The following TIMM22 variants were observed in gnomAD, a reference collection of about 807,000 sequenced individuals.
TIMM22 encodes translocase of inner mitochondrial membrane 22.
Under a neutral mutation model 18.3 loss-of-function variants are expected in TIMM22, and 12 were observed. That is an observed-to-expected ratio of 0.65 (90% CI 0.42 to 1.06). The LOEUF (loss-of-function observed/expected upper bound fraction) is 1.06. Ranked by LOEUF, TIMM22 falls within the 50% of genes least tolerant of loss-of-function variation. The pLI is 0.00. For missense variants in TIMM22, 278 were observed against 252.8 expected (o/e 1.10, Z -0.68); for synonymous variants, 107 against 98.5 (o/e 1.09, Z -0.51).
chr17:998,668 G>A (rs2069709257), intron 1 of TIMM22, 111 bp from the exon 2 acceptor site: 2 of 1,101,170 alleles, frequency 1.8e-6, no homozygotes, highest in Non-Finnish European at 2.5e-6. Flanking sequence ...CAAGAGGGGG[G>A]TGTCCTCTGC....
At chr17:999,323 C>CTATATATATATATATATATATATATATA (rs57081954) in intron 2 of TIMM22, among the ~76,000 whole-genome samples, 189 bp from the exon 3 acceptor site, 25 of 120,552 alleles carry the variant, frequency 2.1e-4, no homozygotes, top group Admixed American at 3.2e-4. Context: ...TGAACGCATA[C>CTATATATATATATATATATATATATATA]TATATATATA....
chr17:1,000,598 T>C (rs565139142), intron 3 of TIMM22, among the ~76,000 whole-genome samples: 1 of 152,284 alleles, frequency 6.6e-6, no homozygotes, highest in East Asian at 1.9e-4. Context: ...TCTCCGCCGG[T>C]CGTCCCATTG....
intron 1 of TIMM22, among the ~76,000 whole-genome samples, chr17:997,803 C>G (rs2069699207): frequency 6.6e-6 from 1 of 151,688 alleles, no homozygotes; most frequent in Non-Finnish European, 1.5e-5. Flanking sequence ...CAGAGCGAGA[C>G]TCCGTCTCAA....
rs2069798888 is a variant in TIMM22 at position 1,003,313 on chromosome 17, G to A, written c.*2225G>A. 1 of 152,288 alleles carries A rather than the reference G, an allele frequency of 6.6e-6. No individual in the cohort carries two copies. 9.4% of individuals were successfully genotyped at this position (152,288 alleles called of 1,614,324 possible). A position where few individuals can be genotyped will look rare whatever the true frequency, so the allele number is the denominator to read the frequency against. ...CAGCCTGGATGCTGGCTGATCCGGA[G>A]GCCTTTGTGAAGAGCAAGGAGAGGG... On this transcript the variant is annotated 3_prime_UTR_variant, in exon 4 of 4. Transcript: ENST00000327158.
chr17:1,000,925 G>T (rs2069737636), intron 3 of TIMM22, 87 bp from the exon 4 acceptor site: 1 of 1,320,724 alleles, frequency 7.6e-7, no homozygotes, highest in South Asian at 1.2e-5. Context: ...CTCATTTCAT[G>T]ACACTGAGGG....
intron 3 of TIMM22, 35 bp from the exon 4 acceptor site, chr17:1,000,977 C>T (rs1160065686): frequency 1.2e-6 from 2 of 1,613,082 alleles, no homozygotes; most frequent in Admixed American, 1.7e-5. Flanking sequence ...CAGCAGCTGT[C>T]ACCACAGGTC....
At position 1,001,743 on chromosome 17, in the gene TIMM22, C is replaced by T. The variant is rs9737; in HGVS notation, c.*655C>T. On this transcript the variant is annotated 3_prime_UTR_variant, in exon 4 of 4. Coordinates refer to ENST00000327158, the MANE Select transcript of TIMM22 (RefSeq NM_013337.4). The stretch of plus-strand genomic sequence containing the variant: ...AAGAATGAGAAAGCTCCCAGGGAAG[C>T]GGGGGATGGGGCGCTGAGGCAGGGT... 0.046 allele frequency: 7,066 copies of T among 152,512 alleles called. 260 individuals carry two copies. The highest frequency in any genetic ancestry group is 0.22 in the East Asian group (1,123 of 5,164). The allele number at this position is 152,512 out of a possible 1,614,324, so 9.4% of individuals were successfully genotyped here.
chr17:998,950 C>G lies in TIMM22; in HGVS notation c.410C>G (p.Ser137Cys). 6.2e-7 allele frequency: 1 copy of G among 1,613,854 alleles called. No homozygotes were observed. The highest frequency in any genetic ancestry group is 8.5e-7 in the Non-Finnish European group (1 of 1,179,856). Residue 137 changes from serine to cysteine, a missense_variant, in exon 2 of 4, where the codon TCT becomes TGT. By Grantham distance (112) the Ser-to-Cys change is moderately radical. Transcript: ENST00000327158. The stretch of plus-strand genomic sequence containing the variant: ...TTCGCCATTGTGGGAGCCATGTTTT[C>G]TTGTACTGAGTGTTTGATAGAATCT... ...KNFAIVGAMF[S>C]CTECLIESYR...
chr17:999,358 T>TATATACAC (rs1408779709), intron 2 of TIMM22, among the ~76,000 whole-genome samples, 154 bp from the exon 3 acceptor site: 5 of 132,588 alleles, frequency 3.8e-5, no homozygotes, highest in African/African-American at 1.6e-4. Context: ...TATATATATA[T>TATATACAC]ACACGCTGTA....
chr17:997,181 T>G lies in TIMM22; in HGVS notation c.39T>G (p.Pro13=). The change falls in exon 1 of 4, where the codon CCT becomes CCG. Residue 13 remains proline (P), a synonymous_variant. Transcript: ENST00000327158. ...AAAPNAGGSA[P]ETAGSAEAPL... The stretch of plus-strand genomic sequence containing the variant: ...CCCCCAATGCCGGAGGCTCGGCCCC[T>G]GAGACAGCGGGTTCCGCCGAAGCTC... The G allele has an allele frequency of 6.2e-7, 1 of 1,611,574 alleles. No homozygotes were observed. The highest frequency in any genetic ancestry group is 8.5e-7 in the Non-Finnish European group (1 of 1,179,662).
rs746744924 is a variant in TIMM22, at chr17:1,001,099, C to T, written c.*11C>T. 3 of 1,613,286 alleles carry T rather than the reference C, an allele frequency of 1.9e-6. No homozygotes were observed. The highest frequency in any genetic ancestry group is 2.5e-6 in the Non-Finnish European group (3 of 1,179,808). On this transcript the variant is annotated 3_prime_UTR_variant, in exon 4 of 4. Coordinates refer to ENST00000327158, the MANE Select transcript of TIMM22 (RefSeq NM_013337.4). ...TATTACCTCCGGTGAGAGTAATTGC[C>T]TGCAGGGAAGGATGATGCCAGCCCC...
intron 3 of TIMM22, 141 bp downstream of exon 3, chr17:999,725 C>T: frequency 2.3e-6 from 2 of 887,830 alleles, no homozygotes; most frequent in Non-Finnish European, 3.5e-6. Flanking sequence ...TCTGTGGTAA[C>T]TCGGTTTTGG....
intron 3 of TIMM22, among the ~76,000 whole-genome samples, chr17:1,000,560 A>T (rs1170758931): frequency 6.6e-6 from 1 of 152,090 alleles, no homozygotes; most frequent in Non-Finnish European, 1.5e-5. Context: ...TTTGCTCCTC[A>T]AGCACCATTT....
At position 997,300 on chromosome 17, in the gene TIMM22, C is replaced by G. The variant is rs2069692737; in HGVS notation, c.158C>G (p.Pro53Arg). The G allele has an allele frequency of 1.2e-6, 2 of 1,613,696 alleles. No individual in the cohort carries two copies. The highest frequency in any genetic ancestry group is 2.7e-5 in the African/African-American group (2 of 74,918). ...GGGAGCCTGGGCGGGATCCCAAGTC[C>G]AGCCAAGAGTGAGGAGCAGAAGATG... is the stretch of plus-strand genomic sequence containing the variant. ...EPGSLGGIPS[P>R]AKSEEQKMIE... Residue 53 changes from proline (P) to arginine (R), a missense_variant, in exon 1 of 4, where the codon CCA becomes CGA. Coordinates refer to ENST00000327158, the MANE Select transcript of TIMM22 (RefSeq NM_013337.4).
At chr17:997,921 C>T (rs1007065269) in intron 1 of TIMM22, among the ~76,000 whole-genome samples, 3 of 152,222 alleles carry the variant, frequency 2.0e-5, no homozygotes, top group Non-Finnish European at 4.4e-5. Flanking sequence ...AGCAATATCA[C>T]GTGCCAGGTG....
rs2069807650 is a variant in TIMM22 at position 1,003,522 on chromosome 17, G to A, written c.*2434G>A. The A allele has an allele frequency of 6.6e-6, 1 of 152,634 alleles. No individual in the cohort carries two copies. Among genetic ancestry groups the A allele is most frequent in the Non-Finnish European group, 1.5e-5 (1 of 68,042 alleles). The allele number at this position is 152,634 out of a possible 1,614,324, so 9.5% of individuals were successfully genotyped here. A position where few individuals can be genotyped will look rare whatever the true frequency, so the allele number is the denominator to read the frequency against. Reference sequence around the variant, plus strand: ...ACAAACATCCACACCACAGGGCTGAGTTTTGTGCAAATGATGGGGCTTTGC... The same window carrying A: ...ACAAACATCCACACCACAGGGCTGAATTTTGTGCAAATGATGGGGCTTTGC... On this transcript the variant is annotated 3_prime_UTR_variant, in exon 4 of 4. Coordinates refer to ENST00000327158, the MANE Select transcript of TIMM22 (RefSeq NM_013337.4).
chr17:1,002,959 TAAACC>T lies in TIMM22; in HGVS notation c.*1876_*1880del. The T allele has an allele frequency of 2.6e-5, 4 of 152,246 alleles. No individual in the cohort carries two copies. The highest frequency in any genetic ancestry group is 2.6e-4 in the Admixed American group (4 of 15,274). The allele number at this position is 152,246 out of a possible 1,614,324, so 9.4% of individuals were successfully genotyped here. A position where few individuals can be genotyped will look rare whatever the true frequency, so the allele number is the denominator to read the frequency against. ...TGGCTGGGGAGCCAGTATGAGCTCA[TAAACC>T]AAACAGCAATTTTCAGAGACATCTG... is the stretch of plus-strand genomic sequence containing the variant. On this transcript the variant is annotated 3_prime_UTR_variant, in exon 4 of 4. Transcript: ENST00000327158.
rs185278396 is a variant in TIMM22 at position 1,002,814 on chromosome 17, G to A, written c.*1726G>A. 24 of 152,266 alleles carry A rather than the reference G, an allele frequency of 1.6e-4. No homozygotes were observed. Among genetic ancestry groups the A allele is most frequent in the African/African-American group, 4.6e-4 (19 of 41,540 alleles). 9.4% of individuals were successfully genotyped at this position (152,266 alleles called of 1,614,324 possible). On this transcript the variant is annotated 3_prime_UTR_variant, in exon 4 of 4. Coordinates refer to ENST00000327158, the MANE Select transcript of TIMM22 (RefSeq NM_013337.4). ...CGTGGGACCAAATACAAGAGATGCT[G>A]CCCTCACAACAGCCTTGGAAAAGAT...
Position 1,001,176 on chromosome 17 carries a change from C to T in TIMM22, c.*88C>T. The T allele has an allele frequency of 1.4e-6, 2 of 1,384,536 alleles. No homozygotes were observed. Among genetic ancestry groups the T allele is most frequent in the East Asian group, 4.6e-5 (2 of 43,434 alleles). The allele number at this position is 1,384,536 out of a possible 1,614,324, so 85.8% of individuals were successfully genotyped here. A position where few individuals can be genotyped will look rare whatever the true frequency, so the allele number is the denominator to read the frequency against. ...GTTTCTGTACCACACCAGGGCCTTG[C>T]TTCAGGGCCTGAAGACATTCATTTT... On this transcript the variant is annotated 3_prime_UTR_variant, in exon 4 of 4. Coordinates refer to ENST00000327158, the MANE Select transcript of TIMM22 (RefSeq NM_013337.4).
Sources: allele counts gnomAD v4.1 joint callset (sites outside exome capture counted in the v4.1 genomes callset), GRCh38; gene constraint gnomAD v4.1.1; transcripts MANE v1.5; gene names NCBI Gene and HGNC (gene_info 2026-07-23, HGNC 2026-07-21).